Variants in TRAPPC9 observed in about 807,000 individuals in gnomAD.
TRAPPC9 encodes IKK2 binding protein.
TRAPPC9 carries 83 observed loss-of-function variants against 124.0 expected under a neutral mutation model. The ratio of observed to expected loss-of-function variants is 0.67; its 90% CI spans 0.56 to 0.80. The LOEUF (loss-of-function observed/expected upper bound fraction) is 0.80. TRAPPC9 is among the 30% of genes least tolerant of loss of function. The pLI, the probability that TRAPPC9 is intolerant of heterozygous loss-of-function variation, is 0.00. For missense variants in TRAPPC9, 1,302 were observed against 1,508.3 expected, an observed-to-expected ratio of 0.86 and a Z score of 2.27; for synonymous variants, 638 against 617.5, an observed-to-expected ratio of 1.03 and a Z score of -0.49.
intron 21 of TRAPPC9, among the ~76,000 whole-genome samples, chr8:139,759,154 C>T (rs1447641588): frequency 6.6e-6 from 1 of 152,146 alleles, no homozygotes; most frequent in Non-Finnish European, 1.5e-5. Flanking sequence ...ATGAGGAAAC[C>T]GAGGGTCAGA....
At chr8:140,354,352 C>T (rs545741628) in intron 9 of TRAPPC9, among the ~76,000 whole-genome samples, 1 of 152,270 alleles carries the variant, frequency 6.6e-6, no homozygotes, top group South Asian at 2.1e-4. Context: ...TGGCCCTGTA[C>T]CCATGATCAG....
At chr8:140,368,667 C>T (rs2132227262) in intron 8 of TRAPPC9, among the ~76,000 whole-genome samples, 1 of 152,184 alleles carries the variant, frequency 6.6e-6, no homozygotes, top group South Asian at 2.1e-4. Flanking sequence ...GTTCTCTTCC[C>T]TGAAGAGAAA....
chr8:140,067,649 G>A (rs1384798379), intron 17 of TRAPPC9, among the ~76,000 whole-genome samples: 3 of 152,172 alleles, frequency 2.0e-5, no homozygotes, highest in Non-Finnish European at 4.4e-5. Context: ...TGAAAATCCA[G>A]AGAAGAGAGT....
chr8:140,028,148 T>A (rs1840271828), intron 17 of TRAPPC9, among the ~76,000 whole-genome samples: 1 of 151,922 alleles, frequency 6.6e-6, no homozygotes, highest in African/African-American at 2.4e-5. Context: ...GTCTTATATA[T>A]TATATATATG....
At chr8:140,112,653 G>A (rs1338812289) in intron 17 of TRAPPC9, among the ~76,000 whole-genome samples, 8 of 151,994 alleles carry the variant, frequency 5.3e-5, no homozygotes, top group Non-Finnish European at 1.2e-4. Context: ...CGGTGGGTTC[G>A]TCATTATCTC....
chr8:140,426,453 C>T (rs1462177074), intron 5 of TRAPPC9, among the ~76,000 whole-genome samples, 162 bp downstream of exon 5: 3 of 152,076 alleles, frequency 2.0e-5, no homozygotes, highest in Non-Finnish European at 4.4e-5. Flanking sequence ...AAGCAAGGAC[C>T]CACCAATCAA....
At position 139,730,933 on chromosome 8, in the gene TRAPPC9, GCTGGGAGGGGT is replaced by G. The variant is rs1235532667; in HGVS notation, c.*117_*127del. On this transcript the variant is annotated 3_prime_UTR_variant, in exon 23 of 23. Coordinates refer to ENST00000438773, the MANE Select transcript of TRAPPC9 (RefSeq NM_001160372.4). ...GCTACAGGAGGAACAGGAGGAGAGG[GCTGGGAGGGGT>G]CTGGGGGAGGAGGAGGAGATGGGGC... 5 of 1,046,086 alleles carry G rather than the reference GCTGGGAGGGGT, an allele frequency of 4.8e-6. No individual in the cohort carries two copies. The African/African-American group carries it at 7.9e-5, about 16-fold the overall frequency. 64.8% of individuals were successfully genotyped at this position (1,046,086 alleles called of 1,614,324 possible). A position where few individuals can be genotyped will look rare whatever the true frequency, so the allele number is the denominator to read the frequency against.
intron 5 of TRAPPC9, among the ~76,000 whole-genome samples, chr8:140,413,005 C>A (rs577350679): frequency 6.6e-6 from 1 of 152,282 alleles, no homozygotes; most frequent in African/African-American, 2.4e-5. Context: ...GTCACTTCAT[C>A]ACTTACACAC....
chr8:139,790,730 G>C (rs576180768), intron 21 of TRAPPC9, among the ~76,000 whole-genome samples: 1 of 152,336 alleles, frequency 6.6e-6, no homozygotes, highest in Non-Finnish European at 1.5e-5. Context: ...TCCAGGTGGA[G>C]AGTGGTTATG....
At chr8:139,934,928 A>G (rs1833416757) in intron 19 of TRAPPC9, among the ~76,000 whole-genome samples, 1 of 152,198 alleles carries the variant, frequency 6.6e-6, no homozygotes, top group Admixed American at 6.5e-5. Flanking sequence ...TAGCTTTCCG[A>G]GGTCTTGCCA....
At chr8:140,028,368 A>C (rs1276219917) in intron 17 of TRAPPC9, among the ~76,000 whole-genome samples, 1 of 152,248 alleles carries the variant, frequency 6.6e-6, no homozygotes, top group East Asian at 1.9e-4. Flanking sequence ...TTATTATTCC[A>C]GCTAACATGA....
At chr8:139,849,117 T>C (rs925518362) in intron 21 of TRAPPC9, among the ~76,000 whole-genome samples, 1 of 152,214 alleles carries the variant, frequency 6.6e-6, no homozygotes, top group East Asian at 1.9e-4. Flanking sequence ...TCACCAGCCA[T>C]TTCTCAGGCA....
At chr8:140,304,575 G>A (rs753220759) in intron 10 of TRAPPC9, among the ~76,000 whole-genome samples, 7 of 152,144 alleles carry the variant, frequency 4.6e-5, no homozygotes, top group Admixed American at 3.3e-4. Context: ...TTTAGGAAGA[G>A]GGGGACAACC....
intron 17 of TRAPPC9, among the ~76,000 whole-genome samples, chr8:140,193,531 A>G (rs2062547923): frequency 6.6e-6 from 1 of 151,254 alleles, no homozygotes; most frequent in Non-Finnish European, 1.5e-5. Flanking sequence ...TATCACTGGC[A>G]AGTTTAAGAA....
At chr8:140,411,499 G>A (rs1432121512) in intron 5 of TRAPPC9, among the ~76,000 whole-genome samples, 6 of 151,994 alleles carry the variant, frequency 3.9e-5, no homozygotes, top group East Asian at 1.9e-4. Flanking sequence ...CCACCACCAC[G>A]CTCAGCTAAT....
At chr8:140,313,747 G>C (rs1389641224) in intron 9 of TRAPPC9, among the ~76,000 whole-genome samples, 2 of 152,160 alleles carry the variant, frequency 1.3e-5, no homozygotes, top group Non-Finnish European at 2.9e-5. Context: ...ACCGTCGCCA[G>C]CTGCAGGGGC....
chr8:140,383,299 C>T (rs1240169622), intron 7 of TRAPPC9, among the ~76,000 whole-genome samples: 1 of 152,202 alleles, frequency 6.6e-6, no homozygotes, highest in African/African-American at 2.4e-5. Context: ...AGCAACGGAG[C>T]AAAGCTAGAC....
intron 20 of TRAPPC9, among the ~76,000 whole-genome samples, chr8:139,891,764 C>T (rs1272325487): frequency 2.0e-5 from 3 of 152,224 alleles, no homozygotes; most frequent in Non-Finnish European, 4.4e-5. Context: ...GGCAGACCAA[C>T]AGCCAAGAGC....
intron 21 of TRAPPC9, among the ~76,000 whole-genome samples, chr8:139,771,288 C>T (rs980351811): frequency 6.6e-6 from 1 of 152,130 alleles, no homozygotes; most frequent in Non-Finnish European, 1.5e-5. Context: ...TCTCAGAGAA[C>T]GGTGCCGCCC....
Sources: allele counts gnomAD v4.1 joint callset (sites outside exome capture counted in the v4.1 genomes callset), GRCh38; gene constraint gnomAD v4.1.1; transcripts MANE v1.5; gene names NCBI Gene and HGNC (gene_info 2026-07-23, HGNC 2026-07-21).